Variants in CLPB observed in about 807,000 individuals in gnomAD.
The protein encoded by CLPB is ClpB family mitochondrial disaggregase, also known as mitochondrial disaggregase.
CLPB carries 40 observed loss-of-function variants against 78.4 expected under a neutral mutation model. The observed-to-expected ratio is 0.51, with a 90% CI of 0.40 to 0.66. CLPB has a LOEUF of 0.66. CLPB is among the 30% of genes least tolerant of loss of function. CLPB has a pLI of 0.00. For missense variants in CLPB, 780 were observed against 886.9 expected (o/e 0.88, Z 1.53); for synonymous variants, 333 against 348.0 (o/e 0.96, Z 0.48).
rs374538248 is a variant in CLPB at position 72,293,407 on chromosome 11, C to T, written c.1994G>A (p.Arg665Gln). 2.7e-5 allele frequency: 44 copies of T among 1,613,998 alleles called. No individual in the cohort carries two copies. Among genetic ancestry groups the T allele is most frequent in the Non-Finnish European group, 3.5e-5 (41 of 1,180,014 alleles). The change falls in exon 16 of 16, where the codon CGG becomes CAG. Residue 665 changes from arginine to glutamine, a missense_variant. Arg to Gln is a conservative substitution (Grantham distance 43). Coordinates refer to ENST00000538039, the MANE Select transcript of CLPB (RefSeq NM_001258392.3). ...CACCTTCTCAGGGTGCAGTGGTGCC[C>T]GGATGTCCAGTCTGCGAGTCTTGCT... Reference protein sequence around the residue: ...KDSKTRRLDIRAPLHPEKVCN... With the variant: ...KDSKTRRLDIQAPLHPEKVCN...
At chr11:72,373,683 C>T (rs1161858718) in intron 4 of CLPB, among the ~76,000 whole-genome samples, 1 of 152,180 alleles carries the variant, frequency 6.6e-6, no homozygotes, top group African/African-American at 2.4e-5. Context: ...CAGTGGCTTA[C>T]CCCTGTAATG....
At chr11:72,303,647 TG>T (rs1262767902) in intron 9 of CLPB, among the ~76,000 whole-genome samples, 1 of 152,108 alleles carries the variant, frequency 6.6e-6, no homozygotes, top group Non-Finnish European at 1.5e-5. Context: ...TAAGGCCACA[TG>T]GGGGAAAGCA....
intron 4 of CLPB, among the ~76,000 whole-genome samples, chr11:72,370,307 C>T (rs957799772): frequency 6.6e-6 from 1 of 152,168 alleles, no homozygotes; most frequent in Non-Finnish European, 1.5e-5. Context: ...ATCTCTCTCT[C>T]CTAGGACACA....
intron 3 of CLPB, among the ~76,000 whole-genome samples, chr11:72,395,590 A>G (rs1855381321): frequency 6.6e-6 from 1 of 152,258 alleles, no homozygotes; most frequent in Non-Finnish European, 1.5e-5. Flanking sequence ...TGGCACACAG[A>G]AAGCACCCAA....
At chr11:72,361,656 G>A (rs1326838138) in intron 4 of CLPB, among the ~76,000 whole-genome samples, 1 of 152,194 alleles carries the variant, frequency 6.6e-6, no homozygotes, top group Non-Finnish European at 1.5e-5. Flanking sequence ...CTGCCACATA[G>A]GACATTAACT....
chr11:72,351,814 A>T (rs1950618444), intron 5 of CLPB, among the ~76,000 whole-genome samples: 1 of 151,772 alleles, frequency 6.6e-6, no homozygotes, highest in South Asian at 2.1e-4. Flanking sequence ...TCAGGGATCC[A>T]CCCACCTCAG....
chr11:72,430,065 C>A (rs970754661), intron 2 of CLPB, among the ~76,000 whole-genome samples: 5 of 152,168 alleles, frequency 3.3e-5, no homozygotes, highest in African/African-American at 1.2e-4. Context: ...GAGTCCAAAC[C>A]AACCCAGTGA....
At chr11:72,361,522 GA>G (rs1950837972) in intron 4 of CLPB, among the ~76,000 whole-genome samples, 1 of 152,182 alleles carries the variant, frequency 6.6e-6, no homozygotes, top group African/African-American at 2.4e-5. Context: ...GGATGCTACA[GA>G]ACCAAGCAGA....
chr11:72,373,412 C>T (rs1250167504), intron 4 of CLPB, among the ~76,000 whole-genome samples: 1 of 152,144 alleles, frequency 6.6e-6, no homozygotes, highest in Non-Finnish European at 1.5e-5. Flanking sequence ...CTGAGGATTA[C>T]GGCCCCCACC....
chr11:72,429,390 G>A (rs1856478907), intron 2 of CLPB, among the ~76,000 whole-genome samples: 1 of 152,170 alleles, frequency 6.6e-6, no homozygotes, highest in South Asian at 2.1e-4. Context: ...GGTGGGGTGG[G>A]CTGCTTTTCA....
chr11:72,320,093 T>A (rs1162440731), intron 6 of CLPB, among the ~76,000 whole-genome samples: 1 of 152,208 alleles, frequency 6.6e-6, no homozygotes, highest in African/African-American at 2.4e-5. Flanking sequence ...GTGCCTCCAC[T>A]GCCTGAGGTG....
chr11:72,381,721 A>C (rs1854921827), intron 3 of CLPB, among the ~76,000 whole-genome samples: 1 of 152,052 alleles, frequency 6.6e-6, no homozygotes, highest in South Asian at 2.1e-4. Context: ...CCCAGGCTCC[A>C]GCCCAGCCCA....
At chr11:72,422,535 T>C (rs1856241227) in intron 2 of CLPB, among the ~76,000 whole-genome samples, 1 of 152,208 alleles carries the variant, frequency 6.6e-6, no homozygotes, top group South Asian at 2.1e-4. Context: ...AAAAACTGTG[T>C]GATGATCTTC....
chr11:72,389,828 G>A (rs1355267467), intron 3 of CLPB, among the ~76,000 whole-genome samples: 3 of 151,908 alleles, frequency 2.0e-5, no homozygotes, highest in Non-Finnish European at 2.9e-5. Context: ...CGGGAGGATC[G>A]CTTGAGCTCA....
At chr11:72,420,085 C>T (rs1425125813) in intron 2 of CLPB, among the ~76,000 whole-genome samples, 1 of 152,220 alleles carries the variant, frequency 6.6e-6, no homozygotes, top group Non-Finnish European at 1.5e-5. Context: ...GTGGCTCACA[C>T]CTGTAATCCC....
intron 2 of CLPB, among the ~76,000 whole-genome samples, chr11:72,416,534 G>A (rs552495489): frequency 1.1e-4 from 16 of 152,038 alleles, no homozygotes; most frequent in African/African-American, 3.1e-4. Context: ...TCAGGAGTTC[G>A]AGACAAGCCT....
At chr11:72,320,245 T>G (rs1211938711) in intron 6 of CLPB, among the ~76,000 whole-genome samples, 1 of 152,236 alleles carries the variant, frequency 6.6e-6, no homozygotes, top group African/African-American at 2.4e-5. Context: ...TCTTTCCACT[T>G]TGTTGATTTG....
intron 2 of CLPB, among the ~76,000 whole-genome samples, chr11:72,422,124 G>A (rs1354200383): frequency 2.0e-5 from 3 of 152,058 alleles, no homozygotes; most frequent in East Asian, 3.9e-4. Flanking sequence ...AAAATTGGCC[G>A]GGCGTGGTGG....
intron 9 of CLPB, among the ~76,000 whole-genome samples, chr11:72,306,943 C>T (rs1565427308): frequency 6.6e-6 from 1 of 152,022 alleles, no homozygotes; most frequent in Non-Finnish European, 1.5e-5. Context: ...TTTGTTTCCT[C>T]AAGAGTCAGG....
Sources: gnomAD v4.1 joint callset for allele counts (sites outside exome capture counted in the v4.1 genomes callset) on GRCh38, gnomAD v4.1.1 for gene constraint, MANE v1.5 for transcripts, NCBI Gene and HGNC (gene_info 2026-07-23, HGNC 2026-07-21) for gene names.